The following TMEM129 variants were observed in gnomAD, a reference collection of about 807,000 sequenced individuals.
The protein encoded by TMEM129 is transmembrane protein 129, E3 ubiquitin ligase.
Under a neutral mutation model 34.1 loss-of-function variants are expected in TMEM129, and 35 were observed. The observed-to-expected ratio is 1.03, with a 90% CI of 0.78 to 1.36. TMEM129 has a LOEUF of 1.36. Ranked by LOEUF, TMEM129 falls within the 40% of genes most tolerant of loss-of-function variation. TMEM129 has a pLI of 0.00. For missense variants in TMEM129, 504 were observed against 512.6 expected, an observed-to-expected ratio of 0.98 and a Z score of 0.16; for synonymous variants, 239 against 217.3, an observed-to-expected ratio of 1.10 and a Z score of -0.88.
Position 1,717,206 on chromosome 4 carries a change from T to C in TMEM129, c.1063A>G (p.Ile355Val). 2.7e-6 allele frequency: 4 copies of C among 1,481,124 alleles called. No individual in the cohort carries two copies. Among genetic ancestry groups the C allele is most frequent in the Non-Finnish European group, 3.6e-6 (4 of 1,109,168 alleles). 91.7% of individuals were successfully genotyped at this position (1,481,124 alleles called of 1,614,324 possible). ...PCPTCRARFC[I>V]LDVCTVR ...CAGCGCACGGTGCACACATCCAGGA[T>C]GCAGAAGCGTGCGCGGCAGGTGGGG... The change falls in exon 4 of 4, where the codon ATC becomes GTC. Residue 355 changes from isoleucine to valine, a missense_variant. Physicochemically the swap from Ile to Val is conservative, Grantham distance 29 (BLOSUM62 3). Transcript: ENST00000382936.
At position 1,718,273 on chromosome 4, in the gene TMEM129, CGTCCT is replaced by C; in HGVS notation, c.554_558del (p.Gln185ArgfsTer12). ...CGAGACTCCGTCACAGTCAGGTGCA[CGTCCT>C]GCTGCTGGGCCACGTGCACTCGGTA... On this transcript the variant is annotated frameshift_variant, in exon 2 of 4. Transcript: ENST00000382936. LOFTEE classifies it high-confidence loss of function. 1 of 1,612,072 alleles carries C rather than the reference CGTCCT, an allele frequency of 6.2e-7. No individual in the cohort carries two copies. Among genetic ancestry groups the C allele is most frequent in the Non-Finnish European group, 8.5e-7 (1 of 1,179,380 alleles).
Position 1,717,565 on chromosome 4 carries a change from A to T in TMEM129, c.791T>A (p.Phe264Tyr). 1 of 1,549,244 alleles carries T rather than the reference A, an allele frequency of 6.5e-7. No homozygotes were observed. Among genetic ancestry groups the T allele is most frequent in the Non-Finnish European group, 8.7e-7 (1 of 1,146,054 alleles). ...QSLGDLFLET[F>Y]ASLVEVNPAY... ...CGGGTTGACCTCTACCAGGGAGGCA[A>T]ATGTCTCCAGGAACAGGTCGCCCAG... Residue 264 changes from phenylalanine (F) to tyrosine (Y), a missense_variant, in exon 3 of 4, where the codon TTT (phenylalanine) becomes TAT (tyrosine). By Grantham distance (22) the Phe-to-Tyr change is conservative. Coordinates refer to ENST00000382936, the MANE Select transcript of TMEM129 (RefSeq NM_001127266.2).
In TMEM129 at chr4:1,720,794, A is replaced by G; in HGVS notation, c.44T>C (p.Phe15Ser). ...GGGCGTGAACACGAAGCACACGGCG[A>G]ACACCAGATAGGCGAGAGTGAAGGT... ...EVTFTLAYLVFAVCFVFTPNE... is the reference protein window; with the variant it reads ...EVTFTLAYLVSAVCFVFTPNE... Residue 15 changes from phenylalanine to serine, a missense_variant, in exon 1 of 4, where the codon TTC becomes TCC. Physicochemically the swap from Phe to Ser is radical, Grantham distance 155 (BLOSUM62 -2). Transcript: ENST00000382936. The surrounding 1 kb of genome is among the most constrained non-coding windows in gnomAD (Gnocchi z 4.4). 1 of 1,595,812 alleles carries G rather than the reference A, an allele frequency of 6.3e-7. No individual in the cohort carries two copies. Among genetic ancestry groups the G allele is most frequent in the South Asian group, 1.1e-5 (1 of 88,314 alleles).
chr4:1,717,995 ACTGGTGTCTTGTGGACACCTTGC>A (rs1414143498), intron 2 of TMEM129, 134 bp downstream of exon 2: 7 of 734,736 alleles, frequency 9.5e-6, no homozygotes, highest in South Asian at 3.8e-5. Context: ...GGGCTCAGTG[ACTGGTGTCTTGTGGACACCTTGC>A]CTGGTGTCAC....
chr4:1,719,262 G>C, intron 1 of TMEM129: 1 of 457,128 alleles, frequency 2.2e-6, no homozygotes, highest in Non-Finnish European at 4.4e-6. Flanking sequence ...TATAACAATA[G>C]GTAACTAGGG....
At position 1,718,304 on chromosome 4, in the gene TMEM129, G is replaced by A; in HGVS notation, c.528C>T (p.Thr176=). 6.2e-7 allele frequency: 1 copy of A among 1,613,402 alleles called. No individual in the cohort carries two copies. The highest frequency in any genetic ancestry group is 1.1e-5 in the South Asian group (1 of 90,950). ...GCTGCTGGGCCACGTGCACTCGGTAGGTGGTTACCTTCATCACCCACGTGT... is the reference window on the plus strand; with the variant it reads ...GCTGCTGGGCCACGTGCACTCGGTAAGTGGTTACCTTCATCACCCACGTGT... The part of the protein sequence containing the change: ...VTDTWVMKVT[T]YRVHVAQQQD... Residue 176 remains threonine (T), a synonymous_variant, in exon 2 of 4, where the codon ACC becomes ACT. Coordinates refer to ENST00000382936, the MANE Select transcript of TMEM129 (RefSeq NM_001127266.2).
In TMEM129 at chr4:1,717,356, C is replaced by T. The variant is rs1487536187; in HGVS notation, c.913G>A (p.Ala305Thr). 6 of 1,533,716 alleles carry T rather than the reference C, an allele frequency of 3.9e-6. No homozygotes were observed. Among genetic ancestry groups the T allele is most frequent in the Non-Finnish European group, 5.3e-6 (6 of 1,133,714 alleles). ...VKLVKTCQEA[A>T]TGECQQCYCR... is the part of the protein sequence containing the mutation. ...TAACACTGCTGGCACTCGCCTGTGG[C>T]TGCCTCCTGGCAGGTCTTCACCAGC... Residue 305 changes from alanine to threonine, a missense_variant, in exon 4 of 4, where the codon GCC becomes ACC. Ala to Thr is a moderately conservative substitution (Grantham distance 58, BLOSUM62 0). Transcript: ENST00000382936.
chr4:1,720,806 G>A lies in TMEM129; in HGVS notation c.32C>T (p.Ala11Val). 6.3e-7 allele frequency: 1 copy of A among 1,594,862 alleles called. No homozygotes were observed. Among genetic ancestry groups the A allele is most frequent in the Non-Finnish European group, 8.5e-7 (1 of 1,171,896 alleles). ...GAAGCACACGGCGAACACCAGATAG[G>A]CGAGAGTGAAGGTCACCTCGGGGCT... MDSPEVTFTL[A>V]YLVFAVCFVF... The change falls in exon 1 of 4, where the codon GCC becomes GTC. Residue 11 changes from alanine (A) to valine (V), a missense_variant. Coordinates refer to ENST00000382936, the MANE Select transcript of TMEM129 (RefSeq NM_001127266.2). This position sits in a 1 kb window ranked among gnomAD's most constrained non-coding sequence, Gnocchi z 4.4.
chr4:1,717,914 G>C, intron 2 of TMEM129: 1 of 684,088 alleles, frequency 1.5e-6, no homozygotes, highest in Non-Finnish European at 2.4e-6. Flanking sequence ...CAAGAATCTG[G>C]GGGAGGTGGC....
rs1716994406 is a variant in TMEM129 at position 1,717,057 on chromosome 4, G to A, written c.*123C>T. ...AGCCTTCTGCAGACCCAGGGCAGAG[G>A]CGAGTTGCTCTACATCATGTGCTTT... On this transcript the variant is annotated 3_prime_UTR_variant, in exon 4 of 4. Transcript: ENST00000382936. The A allele has an allele frequency of 1.7e-6, 2 of 1,210,652 alleles. No homozygotes were observed. Among genetic ancestry groups the A allele is most frequent in the African/African-American group, 1.6e-5 (1 of 64,200 alleles). The allele number at this position is 1,210,652 out of a possible 1,614,324, so 75.0% of individuals were successfully genotyped here. A position where few individuals can be genotyped will look rare whatever the true frequency, so the allele number is the denominator to read the frequency against.
Position 1,717,065 on chromosome 4 carries a change from C to A in TMEM129, c.*115G>T. 7.8e-7 allele frequency: 1 copy of A among 1,284,076 alleles called. No individual in the cohort carries two copies. 79.5% of individuals were successfully genotyped at this position (1,284,076 alleles called of 1,614,324 possible). A position where few individuals can be genotyped will look rare whatever the true frequency, so the allele number is the denominator to read the frequency against. On this transcript the variant is annotated 3_prime_UTR_variant, in exon 4 of 4. Coordinates refer to ENST00000382936, the MANE Select transcript of TMEM129 (RefSeq NM_001127266.2). ...GCAGACCCAGGGCAGAGGCGAGTTG[C>A]TCTACATCATGTGCTTTAAGTAGAG... is the stretch of plus-strand genomic sequence containing the variant.
chr4:1,719,993 C>G (rs1387745055), intron 1 of TMEM129, among the ~76,000 whole-genome samples: 1 of 151,834 alleles, frequency 6.6e-6, no homozygotes, highest in Middle Eastern at 3.2e-3. Context: ...TCCAGAGGTA[C>G]CCCCTTGAAA....
At position 1,720,790 on chromosome 4, in the gene TMEM129, G is replaced by A; in HGVS notation, c.48C>T (p.Ala16=). 2 of 1,595,578 alleles carry A rather than the reference G, an allele frequency of 1.3e-6. No individual in the cohort carries two copies. Among genetic ancestry groups the A allele is most frequent in the Non-Finnish European group, 1.7e-6 (2 of 1,172,280 alleles). ...VTFTLAYLVF[A]VCFVFTPNEF... is the part of the protein sequence containing the mutation. ...CGTTGGGCGTGAACACGAAGCACAC[G>A]GCGAACACCAGATAGGCGAGAGTGA... The change falls in exon 1 of 4, where the codon GCC becomes GCT. Residue 16 remains alanine, a synonymous_variant. Coordinates refer to ENST00000382936, the MANE Select transcript of TMEM129 (RefSeq NM_001127266.2). The surrounding 1 kb of genome is among the most constrained non-coding windows in gnomAD (Gnocchi z 4.4).
rs745358975 is a variant in TMEM129 at position 1,718,552 on chromosome 4, G to A, written c.280C>T (p.Arg94Trp). Residue 94 changes from arginine to tryptophan, a missense_variant, in exon 2 of 4, where the codon CGG (arginine) becomes TGG (tryptophan). By Grantham distance (101) the Arg-to-Trp change is moderately radical (BLOSUM62 -3). Coordinates refer to ENST00000382936, the MANE Select transcript of TMEM129 (RefSeq NM_001127266.2). ...GTCACGGCCAGCAGCAGGAAGAGCC[G>A]CCAGGCCTCAGGGGCCTGGCTGAGG... ...HALSQAPEAW[R>W]LFLLLAVTLP... The A allele has an allele frequency of 1.1e-5, 16 of 1,504,108 alleles. No individual in the cohort carries two copies. The highest frequency in any genetic ancestry group is 7.4e-5 in the East Asian group (3 of 40,424). 93.2% of individuals were successfully genotyped at this position (1,504,108 alleles called of 1,614,324 possible).
At chr4:1,717,873 G>T in intron 2 of TMEM129, 198 bp from the exon 3 acceptor site, 2 of 758,450 alleles carry the variant, frequency 2.6e-6, no homozygotes, top group Non-Finnish European at 4.1e-6. Flanking sequence ...CAGCTGTCCA[G>T]CCTGAGGGCT....
chr4:1,720,816 AGGTCACCTCG>A lies in TMEM129; in HGVS notation c.12_21del (p.Glu5SerfsTer94), dbSNP rs2108676812. The A allele has an allele frequency of 6.3e-7, 1 of 1,591,684 alleles. No individual in the cohort carries two copies. Among genetic ancestry groups the A allele is most frequent in the African/African-American group, 1.3e-5 (1 of 74,270 alleles). ...GCGAACACCAGATAGGCGAGAGTGA[AGGTCACCTCG>A]GGGCTGTCCATCGCGCAGCCGCCGG... On this transcript the variant is annotated frameshift_variant, in exon 1 of 4. Coordinates refer to ENST00000382936, the MANE Select transcript of TMEM129 (RefSeq NM_001127266.2). LOFTEE classifies it high-confidence loss of function. The surrounding 1 kb of genome is among the most constrained non-coding windows in gnomAD (Gnocchi z 4.4).
rs768406991 is a variant in TMEM129 at position 1,718,224 on chromosome 4, G to C, written c.608C>G (p.Ser203Trp). 9.4e-6 allele frequency: 15 copies of C among 1,600,468 alleles called. No individual in the cohort carries two copies. The highest frequency in any genetic ancestry group is 1.3e-5 in the Non-Finnish European group (15 of 1,173,622). ...ESRQHELSPD[S>W]NLPVQLLTIR... Reference sequence around the variant, plus strand: ...GGTGAGGAGCTGCACGGGCAAGTTCGAGTCTGGCGAGAGCTCATGCTGCCG... The same window carrying C: ...GGTGAGGAGCTGCACGGGCAAGTTCCAGTCTGGCGAGAGCTCATGCTGCCG... Residue 203 changes from serine (S) to tryptophan (W), a missense_variant, in exon 2 of 4, where the codon TCG (serine) becomes TGG (tryptophan). Coordinates refer to ENST00000382936, the MANE Select transcript of TMEM129 (RefSeq NM_001127266.2).
At chr4:1,717,470 C>T (rs1439033915) in intron 3 of TMEM129, 42 bp from the exon 4 acceptor site, 1 of 1,500,016 alleles carries the variant, frequency 6.7e-7, no homozygotes, top group South Asian at 1.3e-5. Context: ...AGGCAGACAC[C>T]CGTGGGCACC....
chr4:1,720,911 G>A lies in TMEM129; in HGVS notation c.-74C>T. The stretch of plus-strand genomic sequence containing the variant: ...GGACGAGGCCGCAGCGCCCAGTCCC[G>A]GACCTGTCGGTTGCGGCGGCCGCCG... On this transcript the variant is annotated 5_prime_UTR_variant, in exon 1 of 4. Transcript: ENST00000382936. This position sits in a 1 kb window ranked among gnomAD's most constrained non-coding sequence, Gnocchi z 4.4. The A allele has an allele frequency of 7.7e-7, 1 of 1,297,000 alleles. No individual in the cohort carries two copies. The highest frequency in any genetic ancestry group is 9.9e-7 in the Non-Finnish European group (1 of 1,010,228). 80.3% of individuals were successfully genotyped at this position (1,297,000 alleles called of 1,614,324 possible). A position where few individuals can be genotyped will look rare whatever the true frequency, so the allele number is the denominator to read the frequency against.
Sources: allele counts gnomAD v4.1 joint callset (sites outside exome capture counted in the v4.1 genomes callset), GRCh38; gene constraint gnomAD v4.1.1; non-coding constraint Gnocchi (gnomAD v3.1); transcripts MANE v1.5; gene names NCBI Gene and HGNC (gene_info 2026-07-23, HGNC 2026-07-21).